The following MAPKAPK2 variants were observed in gnomAD, a reference collection of about 807,000 sequenced individuals.
The protein encoded by MAPKAPK2 is MAPK activated protein kinase 2.
Under a neutral mutation model 48.8 loss-of-function variants are expected in MAPKAPK2, and 9 were observed. The observed-to-expected ratio is 0.18, with a 90% confidence interval of 0.11 to 0.32. The LOEUF (loss-of-function observed/expected upper bound fraction) is 0.32, where lower values mean the gene tolerates loss of function less well. MAPKAPK2 is among the 10% of genes least tolerant of loss of function. MAPKAPK2 has a pLI of 1.00. For missense variants in MAPKAPK2, 331 were observed against 498.3 expected (o/e 0.66, Z 3.20); for synonymous variants, 202 against 190.6 (o/e 1.06, Z -0.49).
In MAPKAPK2 at chr1:206,728,788, A is replaced by G. The variant is rs1553432211; in HGVS notation, c.358A>G (p.Ile120Val). 1.2e-6 allele frequency: 2 copies of G among 1,612,792 alleles called. No homozygotes were observed. Among genetic ancestry groups the G allele is most frequent in the Middle Eastern group, 1.7e-4 (1 of 6,060 alleles). ...CTCCCAGTGCCCGCACATCGTACGG[A>G]TCGTGGATGTGTACGAGAATCTGTA... ...RASQCPHIVR[I>V]VDVYENLYAG... The change falls in exon 2 of 10, where the codon ATC becomes GTC. Residue 120 changes from isoleucine (I) to valine (V), a missense_variant. Ile to Val is a conservative substitution (Grantham distance 29). This residue lies in a region of MAPKAPK2 where 111 missense variants were observed against 193.6 expected (regional missense o/e 0.57). Coordinates refer to ENST00000367103, the MANE Select transcript of MAPKAPK2 (RefSeq NM_032960.4).
intron 1 of MAPKAPK2, among the ~76,000 whole-genome samples, chr1:206,708,900 T>C (rs1045801133): frequency 1.3e-5 from 2 of 152,248 alleles, no homozygotes; most frequent in Non-Finnish European, 2.9e-5. Flanking sequence ...TGTGTGAATT[T>C]CATCTGCATG....
rs782082445 is a variant in MAPKAPK2 at position 206,729,037 on chromosome 1, T to C, written c.422T>C (p.Leu141Ser). ...ATCTCACTGTGGCTTCATTTCAGTT[T>C]GGACGGTGGAGAACTCTTTAGCCGA... ...RKCLLIVMEC[L>S]DGGELFSRIQ... The change falls in exon 3 of 10, where the codon TTG (leucine) becomes TCG (serine). Residue 141 changes from leucine (L) to serine (S), a missense_variant and splice_region_variant. Coordinates refer to ENST00000367103, the MANE Select transcript of MAPKAPK2 (RefSeq NM_032960.4). 6.2e-7 allele frequency: 1 copy of C among 1,614,200 alleles called. No homozygotes were observed. Among genetic ancestry groups the C allele is most frequent in the Non-Finnish European group, 8.5e-7 (1 of 1,180,018 alleles).
At position 206,720,096 on chromosome 1, in the gene MAPKAPK2, T is replaced by G. The variant is rs942075667; in HGVS notation, c.280-8614T>G. ...GCTCATGTGTCTCCTCCTGTGTCCC[T>G]CTCTGGCTCCAGATCTTCCACCTGG... On this transcript the variant is annotated intron_variant, in intron 1 of 9. Transcript: ENST00000367103. Among the ~76,000 whole-genome samples the G allele has an allele frequency of 2.6e-5, 4 of 152,186 alleles. No individual in the cohort carries two copies. The South Asian group carries it at 8.3e-4, about 32-fold the overall frequency.
At chr1:206,695,852 C>T in intron 1 of MAPKAPK2, 4 of 519,568 alleles carry the variant, frequency 7.7e-6, no homozygotes, top group Non-Finnish European at 1.4e-5. Context: ...GGCAACCCCC[C>T]TTCCTGCGGG....
At chr1:206,703,900 G>A (rs1434238260) in intron 1 of MAPKAPK2, among the ~76,000 whole-genome samples, 1 of 152,230 alleles carries the variant, frequency 6.6e-6, no homozygotes, top group African/African-American at 2.4e-5. Flanking sequence ...CTGCTAAAGA[G>A]GCAGAGGCTT....
Position 206,685,263 on chromosome 1 carries a change from G to A in MAPKAPK2, c.34G>A (p.Val12Met), listed in dbSNP as rs1308290172. ...LSNSQGQSPP[V>M]PFPAPAPPPQ... Reference sequence around the variant, plus strand: ...CAACTCCCAGGGCCAGAGCCCGCCGGTGCCGTTCCCCGCCCCGGCCCCGCC... The same window carrying A: ...CAACTCCCAGGGCCAGAGCCCGCCGATGCCGTTCCCCGCCCCGGCCCCGCC... Residue 12 changes from valine to methionine, a missense_variant, in exon 1 of 10, where the codon GTG becomes ATG. Coordinates refer to ENST00000367103, the MANE Select transcript of MAPKAPK2 (RefSeq NM_032960.4). The A allele has an allele frequency of 1.5e-6, 1 of 657,590 alleles. No homozygotes were observed. The highest frequency in any genetic ancestry group is 2.2e-6 in the Non-Finnish European group (1 of 452,368). 40.7% of individuals were successfully genotyped at this position (657,590 alleles called of 1,614,324 possible).
intron 1 of MAPKAPK2, among the ~76,000 whole-genome samples, chr1:206,693,719 C>T (rs531353198): frequency 6.6e-6 from 1 of 152,318 alleles, no homozygotes; most frequent in East Asian, 1.9e-4. Flanking sequence ...ACCCGACTGC[C>T]CTGTCACCGA....
chr1:206,700,303 C>A (rs782507450), intron 1 of MAPKAPK2, among the ~76,000 whole-genome samples: 1 of 152,162 alleles, frequency 6.6e-6, no homozygotes, highest in Non-Finnish European at 1.5e-5. Flanking sequence ...AGAGCTGTTG[C>A]ATCCACTCAC....
In MAPKAPK2 at chr1:206,729,436, G is replaced by A. The variant is rs782376067; in HGVS notation, c.525G>A (p.Gln175=). 5 of 1,614,176 alleles carry A rather than the reference G, an allele frequency of 3.1e-6. No individual in the cohort carries two copies. The South Asian group carries it at 3.3e-5, about 11-fold the overall frequency. Residue 175 remains glutamine (Q), a synonymous_variant, in exon 4 of 10, where the codon CAG becomes CAA. Coordinates refer to ENST00000367103, the MANE Select transcript of MAPKAPK2 (RefSeq NM_032960.4). The part of the protein sequence containing the change: ...EIMKSIGEAI[Q]YLHSINIAHR... ...TGAAGAGCATCGGTGAGGCCATCCA[G>A]TATCTGCATTCAATCAACATTGCCC...
chr1:206,707,928 G>A (rs1000183881), intron 1 of MAPKAPK2, among the ~76,000 whole-genome samples: 3 of 152,184 alleles, frequency 2.0e-5, no homozygotes, highest in Non-Finnish European at 4.4e-5. Context: ...TACATTCTTT[G>A]ATTCCTGTCT....
rs1553430205 is a variant in MAPKAPK2, at chr1:206,715,548, A to G, written c.280-13162A>G. ...ACTTGGACCTTGTCTTTCAAAATGCATTCCCTTTTGGGATCTCTGCCCATC... is the reference window on the plus strand; with the variant it reads ...ACTTGGACCTTGTCTTTCAAAATGCGTTCCCTTTTGGGATCTCTGCCCATC... On this transcript the variant is annotated intron_variant, in intron 1 of 9. Transcript: ENST00000367103. 1.4e-4 allele frequency among the ~76,000 whole-genome samples: 21 copies of G among 151,016 alleles called. 1 individual carries two copies. In the South Asian group the frequency reaches 4.2e-3, roughly 30 times the overall value.
chr1:206,732,562 G>A lies in MAPKAPK2; in HGVS notation c.1060-13G>A, dbSNP rs1553432900. ...CTCTCTCTGTACCCTTCCTGGTGCT[G>A]CCGTGCCCCCAGGAGGAGATGACCA... On this transcript the variant is annotated splice_polypyrimidine_tract_variant and intron_variant, in intron 9 of 9. Coordinates refer to ENST00000367103, the MANE Select transcript of MAPKAPK2 (RefSeq NM_032960.4). The surrounding 1 kb of genome is among the most constrained non-coding windows in gnomAD (Gnocchi z 4.4). 1 of 1,613,462 alleles carries A rather than the reference G, an allele frequency of 6.2e-7. No individual in the cohort carries two copies. Among genetic ancestry groups the A allele is most frequent in the Non-Finnish European group, 8.5e-7 (1 of 1,179,848 alleles).
chr1:206,726,610 T>A (rs1673709969), intron 1 of MAPKAPK2, among the ~76,000 whole-genome samples: 1 of 152,232 alleles, frequency 6.6e-6, no homozygotes, highest in Non-Finnish European at 1.5e-5. Flanking sequence ...GTCTGAGAAA[T>A]CTTGGCTTCC....
At chr1:206,688,629 T>G (rs1318243661) in intron 1 of MAPKAPK2, among the ~76,000 whole-genome samples, 2 of 152,090 alleles carry the variant, frequency 1.3e-5, no homozygotes, top group Non-Finnish European at 2.9e-5. Flanking sequence ...ACATGGGAAT[T>G]CTATTATTTT....
At chr1:206,710,078 A>G (rs1673090369) in intron 1 of MAPKAPK2, among the ~76,000 whole-genome samples, 1 of 152,094 alleles carries the variant, frequency 6.6e-6, no homozygotes, top group African/African-American at 2.4e-5. Flanking sequence ...TGCTCTTTCT[A>G]TGGACAGTCC....
At position 206,732,343 on chromosome 1, in the gene MAPKAPK2, G is replaced by C. The variant is rs373125932; in HGVS notation, c.1060-232G>C. Reference sequence around the variant, plus strand: ...TCCTATCCTGCGGGATCACTGGGGGGCTCTCAGGGAACAGCAGCAGTGCCA... The same window carrying C: ...TCCTATCCTGCGGGATCACTGGGGGCCTCTCAGGGAACAGCAGCAGTGCCA... On this transcript the variant is annotated intron_variant, in intron 9 of 9. Coordinates refer to ENST00000367103, the MANE Select transcript of MAPKAPK2 (RefSeq NM_032960.4). The surrounding 1 kb of genome is among the most constrained non-coding windows in gnomAD (Gnocchi z 4.4). The C allele has an allele frequency of 6.9e-7, 1 of 1,443,178 alleles. No homozygotes were observed. The highest frequency in any genetic ancestry group is 1.4e-5 in the African/African-American group (1 of 69,688). 89.4% of individuals were successfully genotyped at this position (1,443,178 alleles called of 1,614,324 possible). A position where few individuals can be genotyped will look rare whatever the true frequency, so the allele number is the denominator to read the frequency against.
rs782176693 is a variant in MAPKAPK2 at position 206,730,110 on chromosome 1, G to C, written c.691+12G>C. 2 of 1,614,138 alleles carry C rather than the reference G, an allele frequency of 1.2e-6. No homozygotes were observed. The highest frequency in any genetic ancestry group is 1.7e-6 in the Non-Finnish European group (2 of 1,180,000). On this transcript the variant is annotated intron_variant, in intron 5 of 9. Coordinates refer to ENST00000367103, the MANE Select transcript of MAPKAPK2 (RefSeq NM_032960.4). Reference sequence around the variant, plus strand: ...ACCGTACTATGTGGGTAAGTCCACAGGGGGCCCAGGGACCTAGGCTTTTCC... The same window carrying C: ...ACCGTACTATGTGGGTAAGTCCACACGGGGCCCAGGGACCTAGGCTTTTCC...
intron 1 of MAPKAPK2, among the ~76,000 whole-genome samples, chr1:206,699,500 A>T (rs948233922): frequency 6.6e-6 from 1 of 152,188 alleles, no homozygotes; most frequent in African/African-American, 2.4e-5. Context: ...CTGGCTGAGG[A>T]GGGAGAGATG....
rs782186251 is a variant in MAPKAPK2, at chr1:206,685,300, C to T, written c.71C>T (p.Pro24Leu). The T allele has an allele frequency of 7.2e-6, 5 of 697,826 alleles. No individual in the cohort carries two copies. In the African/African-American group the frequency reaches 9.9e-5, roughly 14 times the overall value. 43.2% of individuals were successfully genotyped at this position (697,826 alleles called of 1,614,324 possible). A position where few individuals can be genotyped will look rare whatever the true frequency, so the allele number is the denominator to read the frequency against. Residue 24 changes from proline (P) to leucine (L), a missense_variant, in exon 1 of 10, where the codon CCC becomes CTC. Transcript: ENST00000367103. ...GCCCCGGCCCCGCCGCCGCAGCCCC[C>T]CACCCCTGCCCTGCCGCACCCCCCG... ...FPAPAPPPQP[P>L]TPALPHPPAQ... is the part of the protein sequence containing the mutation.
Sources: gnomAD v4.1 joint callset for allele counts (sites outside exome capture counted in the v4.1 genomes callset) on GRCh38, gnomAD v4.1.1 for gene constraint, gnomAD v4.1.1 regional missense constraint, Gnocchi (gnomAD v3.1) non-coding constraint, MANE v1.5 for transcripts, NCBI Gene and HGNC (gene_info 2026-07-23, HGNC 2026-07-21) for gene names.